CDH12: variants seen among roughly 807,000 people sequenced by gnomAD.
CDH12 encodes cadherin-12.
In CDH12, 41 loss-of-function variants were observed where a neutral mutation model predicts 74.1. The observed-to-expected ratio is 0.55, with a 90% CI of 0.43 to 0.72. CDH12 has a LOEUF of 0.72. Ranked by LOEUF, CDH12 falls within the 30% of genes least tolerant of loss-of-function variation. The pLI, the probability that CDH12 is intolerant of heterozygous loss-of-function variation, is 0.00. For synonymous variants in CDH12, 399 were observed against 355.0 expected (o/e 1.12, Z -1.39); for missense variants, 945 against 977.2 (o/e 0.97, Z 0.44).
At chr5:22,518,088 G>A (rs1736883346) in intron 1 of CDH12, among the ~76,000 whole-genome samples, 1 of 152,170 alleles carries the variant, frequency 6.6e-6, no homozygotes, top group African/African-American at 2.4e-5. Flanking sequence ...GTCTGTTTAA[G>A]CAAATTGATT....
chr5:21,779,545 T>G (rs1247375725), intron 11 of CDH12: 1 of 152,214 alleles, frequency 6.6e-6, no homozygotes, highest in Non-Finnish European at 1.5e-5. Context: ...TTATTAGAAG[T>G]CTAATAAAAT....
At chr5:22,680,665 C>T (rs575897491) in intron 1 of CDH12, among the ~76,000 whole-genome samples, 4 of 151,992 alleles carry the variant, frequency 2.6e-5, no homozygotes, top group African/African-American at 9.7e-5. Context: ...ATATGGATGA[C>T]TATGTTGATT....
At chr5:21,948,601 T>C (rs1279422402) in intron 6 of CDH12, among the ~76,000 whole-genome samples, 1 of 152,046 alleles carries the variant, frequency 6.6e-6, no homozygotes, top group Non-Finnish European at 1.5e-5. Flanking sequence ...GACTTTGAAC[T>C]GTGGGCTGTT....
intron 4 of CDH12, among the ~76,000 whole-genome samples, chr5:22,174,159 A>C: frequency 6.6e-6 from 1 of 152,014 alleles, no homozygotes; most frequent in Non-Finnish European, 1.5e-5. Context: ...AATGTGGCAC[A>C]AGATTCATTG....
chr5:22,480,605 C>T (rs1033421857), intron 2 of CDH12, among the ~76,000 whole-genome samples: 2 of 150,966 alleles, frequency 1.3e-5, no homozygotes, highest in African/African-American at 4.9e-5. Flanking sequence ...AAAAATACAC[C>T]TTGCATTCAA....
At chr5:22,810,296 G>A (rs550448603) in intron 1 of CDH12, among the ~76,000 whole-genome samples, 21 of 152,246 alleles carry the variant, frequency 1.4e-4, no homozygotes, top group Middle Eastern at 3.4e-3. Flanking sequence ...CTGAGTATGC[G>A]TAAGTGGATA....
chr5:22,494,990 C>G (rs1747043717), intron 2 of CDH12, among the ~76,000 whole-genome samples: 1 of 152,180 alleles, frequency 6.6e-6, no homozygotes, highest in South Asian at 2.1e-4. Flanking sequence ...GGCTACAACA[C>G]AGCATCTTGC....
intron 1 of CDH12, among the ~76,000 whole-genome samples, chr5:22,676,286 A>T (rs188399189): frequency 3.4e-4 from 52 of 152,308 alleles, no homozygotes; most frequent in Admixed American, 6.5e-4. Context: ...TTTGCTATTG[A>T]CAGGAAATTA....
At chr5:22,068,792 G>A (rs1226845477) in intron 5 of CDH12, among the ~76,000 whole-genome samples, 1 of 152,160 alleles carries the variant, frequency 6.6e-6, no homozygotes, top group African/African-American at 2.4e-5. Flanking sequence ...GCCTCTTCCA[G>A]CAGCCACTCC....
chr5:21,904,724 A>G (rs1753558086), intron 6 of CDH12, among the ~76,000 whole-genome samples: 1 of 152,284 alleles, frequency 6.6e-6, no homozygotes, highest in Non-Finnish European at 1.5e-5. Flanking sequence ...GCCTGCAATG[A>G]GTTATGATTG....
intron 6 of CDH12, among the ~76,000 whole-genome samples, chr5:21,890,376 T>C (rs751743762): frequency 2.0e-5 from 3 of 152,066 alleles, no homozygotes; most frequent in Admixed American, 6.6e-5. Flanking sequence ...TAATAATTAA[T>C]GGAAAATAAG....
chr5:22,054,235 A>C (rs1740585080), intron 5 of CDH12, among the ~76,000 whole-genome samples: 1 of 152,018 alleles, frequency 6.6e-6, no homozygotes, highest in Non-Finnish European at 1.5e-5. Context: ...CTTCATCATC[A>C]CCTCCTCTTA....
At chr5:22,158,412 A>G (rs1016262578) in intron 4 of CDH12, among the ~76,000 whole-genome samples, 1 of 152,054 alleles carries the variant, frequency 6.6e-6, no homozygotes, top group Non-Finnish European at 1.5e-5. Flanking sequence ...TTGTTAAGTG[A>G]TGCAGAAGCA....
At chr5:22,433,649 A>G (rs1188987024) in intron 2 of CDH12, among the ~76,000 whole-genome samples, 1 of 152,198 alleles carries the variant, frequency 6.6e-6, no homozygotes, top group Non-Finnish European at 1.5e-5. Context: ...ACAAAAAAGT[A>G]TCTGAAATAA....
At chr5:22,109,706 T>G (rs2150258986) in intron 4 of CDH12, among the ~76,000 whole-genome samples, 1 of 152,318 alleles carries the variant, frequency 6.6e-6, no homozygotes, top group Non-Finnish European at 1.5e-5. Context: ...ACAAAAAGTA[T>G]ATTTTATTTA....
At chr5:21,936,713 TA>T (rs991232623) in intron 6 of CDH12, among the ~76,000 whole-genome samples, 3 of 152,164 alleles carry the variant, frequency 2.0e-5, no homozygotes, top group Admixed American at 1.3e-4. Flanking sequence ...ACTCGAATTG[TA>T]ATCCCCATGT....
intron 3 of CDH12, among the ~76,000 whole-genome samples, chr5:22,296,675 T>C (rs1313700672): frequency 6.6e-6 from 1 of 152,220 alleles, no homozygotes; most frequent in Non-Finnish European, 1.5e-5. Flanking sequence ...ACATGCTATC[T>C]AATTTAAAGA....
intron 3 of CDH12, among the ~76,000 whole-genome samples, chr5:22,398,556 C>T (rs184382395): frequency 2.6e-5 from 4 of 152,066 alleles, no homozygotes; most frequent in East Asian, 3.9e-4. Flanking sequence ...TGGTCTGGAC[C>T]GCCCAAGCAA....
chr5:21,825,289 A>G (rs1265074479), intron 8 of CDH12, among the ~76,000 whole-genome samples: 1 of 152,150 alleles, frequency 6.6e-6, no homozygotes, highest in Non-Finnish European at 1.5e-5. Context: ...TATCTATTGT[A>G]TGTTAGCTTT....
Sources: gnomAD v4.1 joint callset for allele counts (sites outside exome capture counted in the v4.1 genomes callset) on GRCh38, gnomAD v4.1.1 for gene constraint, MANE v1.5 for transcripts, NCBI Gene and HGNC (gene_info 2026-07-23, HGNC 2026-07-21) for gene names.